The following CD55 variants were observed in gnomAD, a reference collection of about 807,000 sequenced individuals.
CD55 encodes the protein CD55 molecule (Cromer blood group).
Under a neutral mutation model 45.8 loss-of-function variants are expected in CD55, and 41 were observed. The ratio of observed to expected loss-of-function variants is 0.90; its 90% CI spans 0.70 to 1.16. CD55 has a LOEUF of 1.16. CD55 is among the 50% of genes most tolerant of loss of function. CD55 has a pLI of 0.00. For synonymous variants in CD55, 181 were observed against 181.1 expected (o/e 1.00, Z 0.01); for missense variants, 416 against 469.8 (o/e 0.89, Z 1.06).
chr1:207,345,060 C>G (rs1037942116), intron 9 of CD55, among the ~76,000 whole-genome samples: 2 of 152,140 alleles, frequency 1.3e-5, no homozygotes, highest in African/African-American at 2.4e-5. Context: ...ATCTCTGAGC[C>G]TCCTGTGTCA....
intron 9 of CD55, among the ~76,000 whole-genome samples, chr1:207,343,864 A>G (rs1655526969): frequency 6.6e-6 from 1 of 152,218 alleles, no homozygotes; most frequent in African/African-American, 2.4e-5. Flanking sequence ...ATACATACTT[A>G]GAATTGTTAT....
intron 8 of CD55, among the ~76,000 whole-genome samples, chr1:207,338,034 G>T (rs1023813166): frequency 6.6e-6 from 1 of 152,060 alleles, no homozygotes; most frequent in African/African-American, 2.4e-5. Context: ...TTACCTTGAA[G>T]CCTATTTTGC....
chr1:207,357,015 TTGTC>T (rs1422213265), intron 9 of CD55, among the ~76,000 whole-genome samples: 6 of 152,222 alleles, frequency 3.9e-5, no homozygotes, highest in Non-Finnish European at 7.3e-5. Context: ...TGTTATTAAA[TTGTC>T]TGTTTTAATT....
rs373754389 is a variant in CD55, at chr1:207,324,689, A to C, written c.417A>C (p.Leu139=). 1.2e-6 allele frequency: 2 copies of C among 1,613,624 alleles called. No homozygotes were observed. The highest frequency in any genetic ancestry group is 1.7e-6 in the Non-Finnish European group (2 of 1,179,766). The change falls in exon 3 of 10, where the codon CTA becomes CTC. Residue 139 remains leucine, a synonymous_variant. Transcript: ENST00000367064. ...CRPGYRREPS[L]SPKLTCLQNL... Reference sequence around the variant, plus strand: ...CAGGTTACAGAAGAGAACCTTCTCTATCACCAAAACTAACTTGCCTTCAGA... The same window carrying C: ...CAGGTTACAGAAGAGAACCTTCTCTCTCACCAAAACTAACTTGCCTTCAGA...
chr1:207,328,355 C>T (rs758965013), intron 5 of CD55, among the ~76,000 whole-genome samples: 4 of 152,134 alleles, frequency 2.6e-5, no homozygotes, highest in African/African-American at 7.2e-5. Context: ...TTTGATTTTC[C>T]ACATAACTTG....
intron 5 of CD55, among the ~76,000 whole-genome samples, chr1:207,329,965 A>G (rs1654867280): frequency 6.6e-6 from 1 of 152,162 alleles, no homozygotes; most frequent in Non-Finnish European, 1.5e-5. Context: ...TCCCTAGCCC[A>G]TCAGAAAGAT....
At chr1:207,352,951 T>G (rs2782836) in intron 9 of CD55, among the ~76,000 whole-genome samples, 150,915 of 151,834 alleles carry the variant, frequency 0.99, 75,010 homozygotes, top group Non-Finnish European at 1. Flanking sequence ...TCAGCTAAGA[T>G]AACTGTGGTT....
chr1:207,329,578 A>G (rs1000329858), intron 5 of CD55, among the ~76,000 whole-genome samples: 1 of 152,056 alleles, frequency 6.6e-6, no homozygotes, highest in Non-Finnish European at 1.5e-5. Flanking sequence ...TGCCTTATAC[A>G]TGCAAACTGC....
intron 6 of CD55, among the ~76,000 whole-genome samples, chr1:207,331,791 G>A (rs1471939628): frequency 6.6e-6 from 1 of 152,028 alleles, no homozygotes; most frequent in Non-Finnish European, 1.5e-5. Context: ...CATCCTTCTA[G>A]ACGTTTTTCT....
Position 207,359,732 on chromosome 1 carries a change from T to A in CD55, c.*122T>A. ...CTCTTCATTTAGGATGCTTTCATTG[T>A]CTTTAAGATGTGTTAGGAATGTCAA... is the stretch of plus-strand genomic sequence containing the variant. On this transcript the variant is annotated 3_prime_UTR_variant, in exon 10 of 10. Coordinates refer to ENST00000367064, the MANE Select transcript of CD55 (RefSeq NM_000574.5). 2 of 1,323,828 alleles carry A rather than the reference T, an allele frequency of 1.5e-6. No homozygotes were observed. Among genetic ancestry groups the A allele is most frequent in the Non-Finnish European group, 2.0e-6 (2 of 1,002,774 alleles). 82.0% of individuals were successfully genotyped at this position (1,323,828 alleles called of 1,614,324 possible).
In CD55 at chr1:207,339,418, G is replaced by C. The variant is rs746324299; in HGVS notation, c.1081+1G>C. The C allele has an allele frequency of 6.0e-5, 97 of 1,605,066 alleles. No homozygotes were observed. Among genetic ancestry groups the C allele is most frequent in the Non-Finnish European group, 8.1e-5 (95 of 1,175,986 alleles). ...GTAGGTACTACCCGTCTTCTATCTG[G>C]TAAGTTTGGCTCTCAGGCCATTAAA... On this transcript the variant is annotated splice_donor_variant, in intron 9 of 9. Transcript: ENST00000367064. LOFTEE classifies it high-confidence loss of function.
chr1:207,352,394 AT>A (rs869025846), intron 9 of CD55, among the ~76,000 whole-genome samples: 1 of 151,460 alleles, frequency 6.6e-6, no homozygotes, highest in African/African-American at 2.4e-5. Context: ...AAAAAGGAAA[AT>A]TTTTTTTTAA....
At chr1:207,357,435 T>C (rs1326367465) in intron 9 of CD55, among the ~76,000 whole-genome samples, 2 of 152,276 alleles carry the variant, frequency 1.3e-5, no homozygotes, top group Non-Finnish European at 2.9e-5. Flanking sequence ...TTCTTGTACT[T>C]GTTCCAACTT....
Position 207,321,741 on chromosome 1 carries a change from C to G in CD55, c.-25C>G, listed in dbSNP as rs1479313096. On this transcript the variant is annotated 5_prime_UTR_variant, in exon 1 of 10. Transcript: ENST00000367064. The stretch of plus-strand genomic sequence containing the variant: ...GCGACTCGGCGGAGTCCCGGCGGCG[C>G]GTCCTTGTTCTAACCCGGCGCGCCA... 1 of 1,480,042 alleles carries G rather than the reference C, an allele frequency of 6.8e-7. No individual in the cohort carries two copies. The highest frequency in any genetic ancestry group is 8.9e-7 in the Non-Finnish European group (1 of 1,119,574). 91.7% of individuals were successfully genotyped at this position (1,480,042 alleles called of 1,614,324 possible).
intron 4 of CD55, among the ~76,000 whole-genome samples, chr1:207,326,271 AATTCT>A (rs1654677060): frequency 1.3e-5 from 2 of 152,216 alleles, no homozygotes; most frequent in South Asian, 4.1e-4. Context: ...TAAATTAAAT[AATTCT>A]ATTTTACTCT....
chr1:207,340,307 A>G (rs919624833), intron 9 of CD55: 6 of 370,156 alleles, frequency 1.6e-5, no homozygotes, highest in African/African-American at 8.5e-5. Context: ...TATTCTTTTT[A>G]TGGCTGAATG....
At chr1:207,356,323 C>G (rs2102447180) in intron 9 of CD55, among the ~76,000 whole-genome samples, 1 of 152,212 alleles carries the variant, frequency 6.6e-6, no homozygotes, top group East Asian at 1.9e-4. Context: ...TGGCGTGTCT[C>G]TGTATTCATT....
At chr1:207,327,768 C>T (rs1224361676) in intron 5 of CD55, among the ~76,000 whole-genome samples, 1 of 152,176 alleles carries the variant, frequency 6.6e-6, no homozygotes, top group Non-Finnish European at 1.5e-5. Flanking sequence ...GTACGGTCAA[C>T]TGACACGAAG....
rs1357372970 is a variant in CD55 at position 207,337,408 on chromosome 1, A to G, written c.1059A>G (p.Ser353=). 1 of 1,558,828 alleles carries G rather than the reference A, an allele frequency of 6.4e-7. No homozygotes were observed. Among genetic ancestry groups the G allele is most frequent in the Non-Finnish European group, 8.9e-7 (1 of 1,129,560 alleles). Residue 353 remains serine (S), a splice_region_variant and synonymous_variant, in exon 8 of 10, where the codon TCA becomes TCG. Transcript: ENST00000367064. ...CAAATAAAGGAAGTGGAACCACTTC[A>G]GGTCAGTTGACACTGTTCAGGTTTA... is the stretch of plus-strand genomic sequence containing the variant. ...TTPNKGSGTT[S]GTTRLLSGHT...
Sources: gnomAD v4.1 joint callset for allele counts (sites outside exome capture counted in the v4.1 genomes callset) on GRCh38, gnomAD v4.1.1 for gene constraint, MANE v1.5 for transcripts, NCBI Gene and HGNC (gene_info 2026-07-23, HGNC 2026-07-21) for gene names.